Variants in TEAD1 observed in about 807,000 individuals in gnomAD.
TEAD1 encodes TEA domain transcription factor 1, also known as transcriptional enhancer factor TEF-1.
In TEAD1, 9 loss-of-function variants were observed where a neutral mutation model predicts 54.9. The observed-to-expected ratio is 0.16, with a 90% CI of 0.10 to 0.29. The LOEUF is 0.29. Ranked by LOEUF, TEAD1 falls within the 10% of genes least tolerant of loss-of-function variation. The pLI is 1.00. For missense variants in TEAD1, 387 were observed against 535.9 expected, an observed-to-expected ratio of 0.72 and a Z score of 2.74; for synonymous variants, 200 against 187.8, an observed-to-expected ratio of 1.07 and a Z score of -0.53.
intron 3 of TEAD1, among the ~76,000 whole-genome samples, chr11:12,780,145 C>T (rs1945512871): frequency 6.6e-6 from 1 of 151,470 alleles, no homozygotes; most frequent in African/African-American, 2.4e-5. Context: ...TTGTATGTAG[C>T]TAAAAAAGTA....
At chr11:12,730,988 T>C (rs1944414586) in intron 2 of TEAD1, among the ~76,000 whole-genome samples, 2 of 151,916 alleles carry the variant, frequency 1.3e-5, no homozygotes, top group African/African-American at 4.8e-5. Flanking sequence ...AGGCATGAGC[T>C]ACCATGCCCG....
At chr11:12,829,170 C>T (rs762705943) in intron 3 of TEAD1, among the ~76,000 whole-genome samples, 42 of 152,246 alleles carry the variant, frequency 2.8e-4, no homozygotes, top group African/African-American at 3.1e-4. Context: ...TTTTATCCAG[C>T]GGATTTTGAC....
chr11:12,766,696 A>G (rs909767491), intron 3 of TEAD1, among the ~76,000 whole-genome samples: 1 of 152,140 alleles, frequency 6.6e-6, no homozygotes, highest in Non-Finnish European at 1.5e-5. Context: ...CATGGTTTTG[A>G]TGTATGGATT....
chr11:12,866,195 C>G (rs1264824431), intron 5 of TEAD1, among the ~76,000 whole-genome samples: 1 of 152,226 alleles, frequency 6.6e-6, no homozygotes, highest in Non-Finnish European at 1.5e-5. Flanking sequence ...GTGCAATACT[C>G]TCTATATGGA....
At chr11:12,864,720 A>G in intron 4 of TEAD1, 118 bp from the exon 5 acceptor site, 1 of 1,602,648 alleles carries the variant, frequency 6.2e-7, no homozygotes, top group Non-Finnish European at 8.5e-7. Flanking sequence ...GCAAGAAAGA[A>G]AGTTCGAGAA....
intron 2 of TEAD1, among the ~76,000 whole-genome samples, chr11:12,734,732 A>G (rs1341411688): frequency 5.9e-5 from 9 of 152,202 alleles, no homozygotes; most frequent in Admixed American, 5.9e-4. Flanking sequence ...TATTCTAGAA[A>G]CAATAGGCTA....
intron 3 of TEAD1, among the ~76,000 whole-genome samples, chr11:12,801,584 A>T (rs1029116050): frequency 3.3e-5 from 5 of 152,220 alleles, no homozygotes; most frequent in Non-Finnish European, 7.3e-5. Context: ...CTGAAGCTCA[A>T]AGGGGTTTTC....
At chr11:12,705,302 T>C (rs1394802941) in intron 2 of TEAD1, among the ~76,000 whole-genome samples, 1 of 152,228 alleles carries the variant, frequency 6.6e-6, no homozygotes, top group Non-Finnish European at 1.5e-5. Context: ...CCACCAAGTT[T>C]CAGCCTAAAG....
intron 10 of TEAD1, chr11:12,904,893 A>G (rs781142526): frequency 6.2e-5 from 22 of 353,204 alleles, no homozygotes; most frequent in Non-Finnish European, 1.1e-4. Flanking sequence ...TTCAAAACCC[A>G]GGAAAGGCGT....
intron 3 of TEAD1, among the ~76,000 whole-genome samples, chr11:12,778,942 A>G (rs536902318): frequency 2.0e-5 from 3 of 152,282 alleles, no homozygotes; most frequent in Non-Finnish European, 2.9e-5. Context: ...ACACTTTTCC[A>G]TCATAACCAT....
intron 3 of TEAD1, among the ~76,000 whole-genome samples, chr11:12,770,303 T>C (rs1031398648): frequency 1.2e-4 from 18 of 152,162 alleles, no homozygotes; most frequent in African/African-American, 4.3e-4. Flanking sequence ...AAGTAGCTAA[T>C]TAAAGATGGC....
intron 2 of TEAD1, among the ~76,000 whole-genome samples, chr11:12,683,734 T>TA (rs1254470400): frequency 6.6e-6 from 1 of 152,144 alleles, no homozygotes; most frequent in African/African-American, 2.4e-5. Flanking sequence ...ACTACAGATT[T>TA]GAAACTTGGC....
At chr11:12,780,991 G>A (rs917472590) in intron 3 of TEAD1, among the ~76,000 whole-genome samples, 5 of 152,016 alleles carry the variant, frequency 3.3e-5, no homozygotes, top group Non-Finnish European at 7.4e-5. Context: ...TGTGGTACTG[G>A]GATAAATTAG....
At chr11:12,862,083 A>G (rs1255282240) in intron 3 of TEAD1, among the ~76,000 whole-genome samples, 167 bp from the exon 4 acceptor site, 2 of 150,720 alleles carry the variant, frequency 1.3e-5, no homozygotes, top group African/African-American at 2.4e-5. Context: ...AATTTTTCCT[A>G]GTAAACATTT....
intron 4 of TEAD1, 196 bp from the exon 5 acceptor site, chr11:12,864,642 G>T: frequency 1.5e-6 from 2 of 1,325,998 alleles, no homozygotes; most frequent in South Asian, 1.5e-5. Flanking sequence ...GTTTTGTTTT[G>T]TTTTGTTTTG....
intron 2 of TEAD1, among the ~76,000 whole-genome samples, chr11:12,680,725 T>C (rs998473911): frequency 2.0e-5 from 3 of 152,138 alleles, no homozygotes; most frequent in African/African-American, 7.2e-5. Flanking sequence ...CCTACTGGGA[T>C]AGGGGGAGGA....
In TEAD1 at chr11:12,768,280, C is replaced by A. The variant is rs1468675583; in HGVS notation, c.202+3846C>A. On this transcript the variant is annotated intron_variant, in intron 3 of 12. Coordinates refer to ENST00000527636, the MANE Select transcript of TEAD1 (RefSeq NM_021961.6). ...AACTGAAAAGGAGGATTAGATAGAT[C>A]TTACTGTGTAGGATTATTAGAAGAA... Among the ~76,000 whole-genome samples, 3 of 152,156 alleles carry A rather than the reference C, an allele frequency of 2.0e-5. No homozygotes were observed. In the East Asian group the frequency reaches 5.8e-4, roughly 29 times the overall value.
intron 10 of TEAD1, among the ~76,000 whole-genome samples, chr11:12,913,616 T>C (rs1948656632): frequency 6.6e-6 from 1 of 152,158 alleles, no homozygotes; most frequent in South Asian, 2.1e-4. Context: ...GGTTTCTTGA[T>C]AAGTAGAGTT....
intron 2 of TEAD1, among the ~76,000 whole-genome samples, 170 bp downstream of exon 2, chr11:12,675,731 A>G (rs1943070558): frequency 6.6e-6 from 1 of 152,242 alleles, no homozygotes; most frequent in South Asian, 2.1e-4. Flanking sequence ...TTCTTTTTAA[A>G]AAAATAACTT....
Sources: allele counts gnomAD v4.1 joint callset (sites outside exome capture counted in the v4.1 genomes callset), GRCh38; gene constraint gnomAD v4.1.1; transcripts MANE v1.5; gene names NCBI Gene and HGNC (gene_info 2026-07-23, HGNC 2026-07-21).